Variants in KNDC1 observed in about 807,000 individuals in gnomAD.
KNDC1 encodes kinase non-catalytic C-lobe domain containing 1, also known as kinase non-catalytic C-lobe domain-containing protein 1.
KNDC1 carries 106 observed loss-of-function variants against 172.8 expected under a neutral mutation model. That is an observed-to-expected ratio of 0.61 (90% CI 0.52 to 0.72). The LOEUF (loss-of-function observed/expected upper bound fraction) is 0.72. Among genes scored for constraint, KNDC1 ranks in the 30% least tolerant of loss-of-function variants. The pLI is 0.00. For synonymous variants in KNDC1, 1,083 were observed against 1,062.2 expected, an observed-to-expected ratio of 1.02 and a Z score of -0.38; for missense variants, 2,325 against 2,394.5, an observed-to-expected ratio of 0.97 and a Z score of 0.61.
At chr10:133,206,545 T>A in intron 17 of KNDC1, 140 bp from the exon 18 acceptor site, 5 of 735,760 alleles carry the variant, frequency 6.8e-6, no homozygotes, top group Non-Finnish European at 9.5e-6. Context: ...GCTGGCTGAG[T>A]GGGCCTCTGT....
intron 9 of KNDC1, among the ~76,000 whole-genome samples, chr10:133,194,920 A>G (rs2135989843): frequency 6.6e-6 from 1 of 152,348 alleles, no homozygotes; most frequent in South Asian, 2.1e-4. Context: ...AACCGCGACC[A>G]TCTGATTCAG....
intron 26 of KNDC1, among the ~76,000 whole-genome samples, chr10:133,217,305 T>C (rs925373121): frequency 6.6e-6 from 1 of 152,234 alleles, no homozygotes; most frequent in Non-Finnish European, 1.5e-5. Flanking sequence ...GCGTAGAAAG[T>C]GTATCCGGTA....
At chr10:133,174,334 G>A (rs1263120818) in intron 3 of KNDC1, 1 of 152,176 alleles carries the variant, frequency 6.6e-6, no homozygotes, top group Non-Finnish European at 1.5e-5. Context: ...GAAGGGCGGT[G>A]AAGATGGGGA....
chr10:133,213,521 G>T, intron 24 of KNDC1, 124 bp from the exon 25 acceptor site: 1 of 758,332 alleles, frequency 1.3e-6, no homozygotes, highest in Admixed American at 2.2e-5. Context: ...CTGTTAGATG[G>T]GTATTGAACC....
chr10:133,196,482 C>T (rs901779955), intron 10 of KNDC1, among the ~76,000 whole-genome samples: 6 of 151,944 alleles, frequency 3.9e-5, no homozygotes, highest in African/African-American at 9.7e-5. Context: ...TCTGGGGGAG[C>T]GGAGACGGCC....
chr10:133,218,983 G>T, intron 27 of KNDC1, 30 bp downstream of exon 27: 1 of 1,613,706 alleles, frequency 6.2e-7, no homozygotes, highest in Non-Finnish European at 8.5e-7. Flanking sequence ...CAAGGCGGGG[G>T]TGGGTACCCG....
chr10:133,169,698 GGTGGCTGGGATGTGGCTGTGGCCT>G (rs1456542283), intron 3 of KNDC1, among the ~76,000 whole-genome samples: 16 of 151,938 alleles, frequency 1.1e-4, no homozygotes, highest in Non-Finnish European at 2.1e-4. Flanking sequence ...TGTGTGGCCT[GGTGGCTGGGATGTGGCTGTGGCCT>G]GTGGCTGTGA....
In KNDC1 at chr10:133,160,228, C is replaced by A. The variant is rs1469414115; in HGVS notation, c.-240C>A. 1.3e-5 allele frequency among the ~76,000 whole-genome samples: 2 copies of A among 149,750 alleles called. No homozygotes were observed. The highest frequency in any genetic ancestry group is 2.4e-5 in the African/African-American group (1 of 41,104). ...CCCCGGTGCCTCCCCCAGGAAGGAG[C>A]GACGTTCCCTAGGCGCCGGGTCCGG... On this transcript the variant is annotated 5_prime_UTR_variant, in exon 1 of 30. Coordinates refer to ENST00000304613, the MANE Select transcript of KNDC1 (RefSeq NM_152643.8).
chr10:133,176,327 G>A (rs1291554921), intron 3 of KNDC1, among the ~76,000 whole-genome samples: 1 of 152,060 alleles, frequency 6.6e-6, no homozygotes, highest in African/African-American at 2.4e-5. Flanking sequence ...GTGGACGGAT[G>A]GGTTCCAGGT....
At chr10:133,172,802 G>A (rs768841749) in intron 3 of KNDC1, among the ~76,000 whole-genome samples, 2 of 152,200 alleles carry the variant, frequency 1.3e-5, no homozygotes, top group African/African-American at 4.8e-5. Flanking sequence ...CAGAGTTAGA[G>A]ACCAGCCTAG....
At chr10:133,221,150 G>A (rs1326556964) in intron 29 of KNDC1, among the ~76,000 whole-genome samples, 1 of 151,974 alleles carries the variant, frequency 6.6e-6, no homozygotes, top group Non-Finnish European at 1.5e-5. Context: ...GAGGCTGCCC[G>A]GCAGCAACCT....
At position 133,163,100 on chromosome 10, in the gene KNDC1, G is replaced by A. The variant is rs1853029072; in HGVS notation, c.102+2531G>A. Among the ~76,000 whole-genome samples, 1 of 152,184 alleles carries A rather than the reference G, an allele frequency of 6.6e-6. No individual in the cohort carries two copies. Among genetic ancestry groups the A allele is most frequent in the African/African-American group, 2.4e-5 (1 of 41,446 alleles). ...CTGTGGATGGGGGTATGGGATCTGA[G>A]GCAGAACAGTGCAATCCAGGCAGAA... On this transcript the variant is annotated intron_variant, in intron 1 of 29. Transcript: ENST00000304613. The surrounding 1 kb of genome is among the most constrained non-coding windows in gnomAD (Gnocchi z 4.4).
intron 29 of KNDC1, among the ~76,000 whole-genome samples, chr10:133,223,505 A>G (rs374188951): frequency 3.0e-3 from 57 of 18,774 alleles, no homozygotes; most frequent in African/African-American, 7.4e-3. Context: ...GTGTGTGTGC[A>G]TGTGTGTGAG....
chr10:133,214,130 C>A lies in KNDC1; in HGVS notation c.4677+8C>A, dbSNP rs552141343. On this transcript the variant is annotated splice_region_variant and intron_variant, in intron 26 of 29. Transcript: ENST00000304613. ...ACCAGCCACACCTCCAAGGTGGGCA[C>A]CCTACAGTTCCGAGGCCAACACGGG... 1.9e-6 allele frequency: 3 copies of A among 1,613,526 alleles called. No individual in the cohort carries two copies. The highest frequency in any genetic ancestry group is 2.5e-6 in the Non-Finnish European group (3 of 1,179,844).
intron 3 of KNDC1, among the ~76,000 whole-genome samples, chr10:133,173,035 G>A (rs1390467883): frequency 1.3e-5 from 2 of 152,176 alleles, no homozygotes; most frequent in Non-Finnish European, 2.9e-5. Context: ...GATCTCTGGT[G>A]TTTCTTACTG....
intron 26 of KNDC1, among the ~76,000 whole-genome samples, chr10:133,217,013 G>A (rs920231115): frequency 2.0e-5 from 3 of 152,246 alleles, no homozygotes; most frequent in African/African-American, 4.8e-5. Flanking sequence ...GGTGGGCGCC[G>A]GGGGCTGGGA....
Position 133,183,353 on chromosome 10 carries a change from T to C in KNDC1, c.370T>C (p.Tyr124His). ...CCTGTCGTGCCCACAGGCGCACATC[T>C]ACTCTCTGGGGGCCACGCTGAAGGC... is the stretch of plus-strand genomic sequence containing the variant. ...VTGNTFEAHI[Y>H]SLGATLKAAL... is the part of the protein sequence containing the mutation. Residue 124 changes from tyrosine to histidine, a missense_variant, in exon 4 of 30, where the codon TAC (tyrosine) becomes CAC (histidine). Transcript: ENST00000304613. 1 of 1,595,986 alleles carries C rather than the reference T, an allele frequency of 6.3e-7. No homozygotes were observed. Among genetic ancestry groups the C allele is most frequent in the Non-Finnish European group, 8.5e-7 (1 of 1,172,748 alleles).
intron 17 of KNDC1, among the ~76,000 whole-genome samples, chr10:133,203,460 T>C (rs1159525811): frequency 6.6e-6 from 1 of 152,222 alleles, no homozygotes; most frequent in South Asian, 2.1e-4. Context: ...AAAAACCACC[T>C]GGAGACAGAC....
Position 133,189,803 on chromosome 10 carries a change from T to G in KNDC1, c.1565T>G (p.Val522Gly), listed in dbSNP as rs906586563. 1 of 1,613,372 alleles carries G rather than the reference T, an allele frequency of 6.2e-7. No individual in the cohort carries two copies. The highest frequency in any genetic ancestry group is 1.1e-5 in the South Asian group (1 of 91,050). ...LAPELAEERL[V>G]TEKASVYCVA... ...CCCGAGCTGGCAGAGGAGAGGCTGG[T>G]AACTGAAAAGGTACCCGGGCCCTCC... Residue 522 changes from valine to glycine, a missense_variant, in exon 9 of 30, where the codon GTA becomes GGA. Physicochemically the swap from Val to Gly is moderately radical, Grantham distance 109 (BLOSUM62 -3). Transcript: ENST00000304613.
Sources: gnomAD v4.1 joint callset for allele counts (sites outside exome capture counted in the v4.1 genomes callset) on GRCh38, gnomAD v4.1.1 for gene constraint, Gnocchi (gnomAD v3.1) non-coding constraint, MANE v1.5 for transcripts, NCBI Gene and HGNC (gene_info 2026-07-23, HGNC 2026-07-21) for gene names.